The following FAM81A variants were observed in gnomAD, a reference collection of about 807,000 sequenced individuals.
The protein encoded by FAM81A is protein FAM81A.
Under a neutral mutation model 46.7 loss-of-function variants are expected in FAM81A, and 19 were observed. The ratio of observed to expected loss-of-function variants is 0.41; its 90% CI spans 0.28 to 0.60. The LOEUF (loss-of-function observed/expected upper bound fraction) is 0.60. Ranked by LOEUF, FAM81A falls within the 20% of genes least tolerant of loss-of-function variation. The pLI is 0.34. For missense variants in FAM81A, 377 were observed against 453.5 expected, an observed-to-expected ratio of 0.83 and a Z score of 1.53; for synonymous variants, 183 against 152.9, an observed-to-expected ratio of 1.20 and a Z score of -1.45.
chr15:59,430,565 T>A (rs1443374038), intron 2 of FAM81A, among the ~76,000 whole-genome samples: 5 of 152,012 alleles, frequency 3.3e-5, no homozygotes, highest in Non-Finnish European at 7.4e-5. Flanking sequence ...ATTCCCCTTT[T>A]TAAGGGCTTC....
At chr15:59,440,533 T>C (rs1416734872) in intron 1 of FAM81A, among the ~76,000 whole-genome samples, 2 of 152,210 alleles carry the variant, frequency 1.3e-5, no homozygotes, top group Non-Finnish European at 2.9e-5. Flanking sequence ...GCTCTCTTAA[T>C]TCTTTGACCT....
intron 2 of FAM81A, among the ~76,000 whole-genome samples, chr15:59,410,965 G>T (rs2141538355): frequency 6.6e-6 from 1 of 152,268 alleles, no homozygotes; most frequent in Admixed American, 6.5e-5. Flanking sequence ...GGTCAGGCTG[G>T]TCTCGAACTC....
intron 1 of FAM81A, among the ~76,000 whole-genome samples, chr15:59,451,691 G>A (rs2081420882): frequency 6.6e-6 from 1 of 152,106 alleles, no homozygotes; most frequent in African/African-American, 2.4e-5. Context: ...GACCTCAAAT[G>A]ATCCGTCCAC....
chr15:59,472,079 A>G (rs987869637), intron 3 of FAM81A, among the ~76,000 whole-genome samples: 14 of 152,082 alleles, frequency 9.2e-5, no homozygotes, highest in African/African-American at 3.4e-4. Flanking sequence ...ACAAACTGGG[A>G]TGGCTAATAA....
chr15:59,410,327 A>G (rs962179178), intron 2 of FAM81A, among the ~76,000 whole-genome samples: 1 of 152,176 alleles, frequency 6.6e-6, no homozygotes, highest in Non-Finnish European at 1.5e-5. Flanking sequence ...AGAAATTACT[A>G]GTACAGAAGA....
At chr15:59,484,861 T>G (rs1279454579) in intron 3 of FAM81A, among the ~76,000 whole-genome samples, 1 of 152,126 alleles carries the variant, frequency 6.6e-6, no homozygotes, top group Non-Finnish European at 1.5e-5. Context: ...CTCTTGGATC[T>G]CTAGATGTAC....
At chr15:59,476,251 C>G (rs1049478071) in intron 3 of FAM81A, among the ~76,000 whole-genome samples, 3 of 148,202 alleles carry the variant, frequency 2.0e-5, no homozygotes, top group African/African-American at 2.5e-5. Flanking sequence ...TAGACTGGGT[C>G]TTGCTCTGTC....
upstream of FAM81A, among the ~76,000 whole-genome samples, chr15:59,434,034 T>G (rs1596468502): frequency 6.6e-6 from 1 of 152,340 alleles, no homozygotes; most frequent in African/African-American, 2.4e-5. Flanking sequence ...TTTTGCATTT[T>G]TAGTAGAGAC....
intron 2 of FAM81A, among the ~76,000 whole-genome samples, chr15:59,405,803 C>A (rs762361410): frequency 6.6e-5 from 10 of 152,178 alleles, no homozygotes; most frequent in Non-Finnish European, 1.3e-4. Context: ...TTTGAGTTAT[C>A]TCATTTTGCT....
rs2082337072 is a variant in FAM81A, at chr15:59,522,444, A to G, written c.*1066A>G. ...GCTGTTAAGGTATTAATCATTCAGT[A>G]TTACTAATGGAATAGAAATTCATAC... On this transcript the variant is annotated 3_prime_UTR_variant, in exon 9 of 9. Coordinates refer to ENST00000288228, the MANE Select transcript of FAM81A (RefSeq NM_152450.3). The G allele has an allele frequency of 6.6e-6, 1 of 152,624 alleles. No homozygotes were observed. The highest frequency in any genetic ancestry group is 2.4e-5 in the African/African-American group (1 of 41,462). The allele number at this position is 152,624 out of a possible 1,614,324, so 9.5% of individuals were successfully genotyped here.
chr15:59,429,539 T>C (rs2081210458), intron 2 of FAM81A, among the ~76,000 whole-genome samples: 2 of 152,236 alleles, frequency 1.3e-5, no homozygotes, highest in African/African-American at 2.4e-5. Flanking sequence ...TGTTCCTACA[T>C]ATACCACTAT....
intron 1 of FAM81A, chr15:59,401,341 C>T (rs765291380): frequency 6.3e-6 from 5 of 791,652 alleles, no homozygotes; most frequent in Non-Finnish European, 1.2e-5. Context: ...CATTTACCTC[C>T]ATGGCAGTAC....
chr15:59,507,282 CA>C lies in FAM81A; in HGVS notation c.486del (p.Glu163AsnfsTer24). On this transcript the variant is annotated frameshift_variant, in exon 5 of 9. Transcript: ENST00000288228. LOFTEE classifies it high-confidence loss of function. ...CCTATGAGGGGCTCCAGCACTTGAA[CA>C]AAGAACAGCAGGCTGCCAAACTTAT... ...TTYEGLQHLN[K>X]EQQAAKLILE... 6.2e-7 allele frequency: 1 copy of C among 1,612,082 alleles called. No homozygotes were observed. The highest frequency in any genetic ancestry group is 8.5e-7 in the Non-Finnish European group (1 of 1,179,114).
intron 4 of FAM81A, among the ~76,000 whole-genome samples, chr15:59,493,657 G>A (rs919366466): frequency 6.6e-6 from 1 of 151,830 alleles, no homozygotes; most frequent in Admixed American, 6.6e-5. Context: ...GCACAATCTC[G>A]GCTCACTGCA....
intron 1 of FAM81A, among the ~76,000 whole-genome samples, chr15:59,455,717 G>C (rs1031826079): frequency 6.6e-6 from 1 of 152,182 alleles, no homozygotes; most frequent in Non-Finnish European, 1.5e-5. Context: ...GTTTGCTTCT[G>C]AAAAGCCATC....
intron 4 of FAM81A, among the ~76,000 whole-genome samples, chr15:59,506,151 T>A (rs1421918886): frequency 6.7e-6 from 1 of 149,550 alleles, no homozygotes; most frequent in South Asian, 2.1e-4. Context: ...GATTTTTTTG[T>A]TTGTTTGTTT....
chr15:59,503,606 T>C (rs2082118619), intron 4 of FAM81A, among the ~76,000 whole-genome samples: 2 of 151,992 alleles, frequency 1.3e-5, no homozygotes, highest in African/African-American at 4.8e-5. Context: ...AGAGTCTCAC[T>C]GTGTCACCCA....
At chr15:59,441,094 A>C (rs11629985) in intron 1 of FAM81A, among the ~76,000 whole-genome samples, 1 of 152,294 alleles carries the variant, frequency 6.6e-6, no homozygotes, top group East Asian at 1.9e-4. Flanking sequence ...GAAAATGTCT[A>C]CAAGTCCCTT....
intron 4 of FAM81A, among the ~76,000 whole-genome samples, chr15:59,495,390 T>C (rs2082022815): frequency 6.6e-6 from 1 of 152,254 alleles, no homozygotes; most frequent in Non-Finnish European, 1.5e-5. Flanking sequence ...TAGTACCTCA[T>C]TGTGTACTGC....
Sources: allele counts gnomAD v4.1 joint callset (sites outside exome capture counted in the v4.1 genomes callset), GRCh38; gene constraint gnomAD v4.1.1; transcripts MANE v1.5; gene names NCBI Gene and HGNC (gene_info 2026-07-23, HGNC 2026-07-21).